ACAN: variants seen among roughly 807,000 people sequenced by gnomAD.
ACAN encodes aggrecan.
Under a neutral mutation model 169.1 loss-of-function variants are expected in ACAN, and 47 were observed. The observed-to-expected ratio is 0.28, with a 90% CI of 0.22 to 0.35. ACAN has a LOEUF of 0.35. Among genes scored for constraint, ACAN ranks in the 10% least tolerant of loss-of-function variants. The probability of loss-of-function intolerance (pLI) is 1.00; values close to 1 mark genes in which losing one functional copy is unlikely to be tolerated. For synonymous variants in ACAN, 1,115 were observed against 1,112.2 expected (o/e 1.00, Z -0.05); for missense variants, 2,716 against 2,759.9 (o/e 0.98, Z 0.36).
intron 1 of ACAN, among the ~76,000 whole-genome samples, chr15:88,816,217 C>T (rs1480932619): frequency 6.6e-6 from 1 of 152,200 alleles, no homozygotes; most frequent in African/African-American, 2.4e-5. Flanking sequence ...AATAACGTCA[C>T]ATTCACAGGC....
At chr15:88,842,949 C>T (rs1896702350) in intron 5 of ACAN, among the ~76,000 whole-genome samples, 1 of 152,192 alleles carries the variant, frequency 6.6e-6, no homozygotes, top group South Asian at 2.1e-4. Context: ...GGTCTGATGC[C>T]TGCTTTTCCC....
intron 1 of ACAN, among the ~76,000 whole-genome samples, chr15:88,828,074 A>G (rs567914019): frequency 5.9e-5 from 9 of 152,320 alleles, no homozygotes; most frequent in South Asian, 4.1e-4. Flanking sequence ...TAAGTTGGTC[A>G]TAACAACAAG....
chr15:88,867,768 G>A (rs1321123903), intron 13 of ACAN, among the ~76,000 whole-genome samples: 3 of 152,152 alleles, frequency 2.0e-5, no homozygotes, highest in Admixed American at 2.0e-4. Context: ...AGGAAGCCAG[G>A]AAAAGAAAGA....
chr15:88,848,144 G>A (rs1596139026), intron 9 of ACAN, 106 bp downstream of exon 9: 3 of 1,471,152 alleles, frequency 2.0e-6, no homozygotes, highest in Non-Finnish European at 2.7e-6. Flanking sequence ...ACCCACCCCT[G>A]ATTCCACCCA....
At chr15:88,862,817 G>A (rs1186818106) in intron 13 of ACAN, among the ~76,000 whole-genome samples, 1 of 152,082 alleles carries the variant, frequency 6.6e-6, no homozygotes, top group Non-Finnish European at 1.5e-5. Context: ...AATCAATATG[G>A]TGAAACCCCA....
intron 5 of ACAN, among the ~76,000 whole-genome samples, chr15:88,842,693 C>T (rs866002816): frequency 2.6e-5 from 4 of 152,310 alleles, no homozygotes; most frequent in South Asian, 2.1e-4. Flanking sequence ...TTTGTGTGTT[C>T]CCACATTTGG....
At chr15:88,824,815 G>A (rs150153099) in intron 1 of ACAN, among the ~76,000 whole-genome samples, 1 of 151,952 alleles carries the variant, frequency 6.6e-6, no homozygotes, top group African/African-American at 2.4e-5. Context: ...GGAGGTGGAG[G>A]TTGCAGTGAG....
chr15:88,860,375 G>A lies in ACAN; in HGVS notation c.6882G>A (p.Lys2294=), dbSNP rs1347121856. The A allele has an allele frequency of 1.2e-6, 2 of 1,613,610 alleles. No homozygotes were observed. Among genetic ancestry groups the A allele is most frequent in the Non-Finnish European group, 1.7e-6 (2 of 1,179,812 alleles). The change falls in exon 13 of 19, where the codon AAG becomes AAA. Residue 2294 remains lysine (K), a synonymous_variant. Transcript: ENST00000560601. The part of the protein sequence containing the change: ...AEEPCGAGTC[K]ETEGHVICLC... ...AGCCCTGTGGAGCTGGGACCTGCAA[G>A]GAGACAGAGGGACACGTCATATGCC...
Position 88,873,957 on chromosome 15 carries a change from C to T in ACAN, c.7563C>T (p.Arg2521=). The change falls in exon 18 of 19, where the codon CGC becomes CGT. Residue 2521 remains arginine (R), a synonymous_variant. Coordinates refer to ENST00000560601, the MANE Select transcript of ACAN (RefSeq NM_001369268.1). This position sits in a 1 kb window ranked among gnomAD's most constrained non-coding sequence, Gnocchi z 7.5. ...RYQCTEGFVQ[R]HMPTIRCQPS... ...AGTGCACAGAGGGGTTTGTCCAGCG[C>T]CACATGCCCACCATCCGGTGCCAGC... 6.2e-7 allele frequency: 1 copy of T among 1,613,472 alleles called. No individual in the cohort carries two copies. The highest frequency in any genetic ancestry group is 2.2e-5 in the East Asian group (1 of 44,862).
intron 11 of ACAN, among the ~76,000 whole-genome samples, chr15:88,852,322 A>T (rs773410040): frequency 1.3e-5 from 2 of 152,166 alleles, no homozygotes; most frequent in African/African-American, 2.4e-5. Flanking sequence ...GACTGTGCTG[A>T]TGAGAGGGCC....
chr15:88,865,317 G>A lies in ACAN; in HGVS notation c.6947-2899G>A, dbSNP rs114116283. On this transcript the variant is annotated intron_variant, in intron 13 of 18. Coordinates refer to ENST00000560601, the MANE Select transcript of ACAN (RefSeq NM_001369268.1). The stretch of plus-strand genomic sequence containing the variant: ...GACTCCAGTGTCTCTCTCCCTCCAC[G>A]TGGGGCAGAAGCCAACTTCCAGTCT... Among the ~76,000 whole-genome samples the A allele has an allele frequency of 2.7e-3, 410 of 152,200 alleles. 1 individual carries two copies. Among genetic ancestry groups the A allele is most frequent in the African/African-American group, 9.4e-3 (389 of 41,530 alleles).
At chr15:88,812,376 C>T (rs1895843090) in intron 1 of ACAN, among the ~76,000 whole-genome samples, 1 of 152,064 alleles carries the variant, frequency 6.6e-6, no homozygotes, top group Non-Finnish European at 1.5e-5. Context: ...AGGTTATTTG[C>T]ATATTTCCTC....
At chr15:88,808,498 T>C (rs146055378) in intron 1 of ACAN, among the ~76,000 whole-genome samples, 39 of 152,312 alleles carry the variant, frequency 2.6e-4, no homozygotes, top group African/African-American at 9.1e-4. Context: ...AGACGGACTG[T>C]AACCAACCTG....
chr15:88,863,113 C>T (rs1023677631), intron 13 of ACAN, among the ~76,000 whole-genome samples: 2 of 151,986 alleles, frequency 1.3e-5, no homozygotes, highest in Non-Finnish European at 2.9e-5. Flanking sequence ...GGAAAACTTC[C>T]ACCTGGTCAA....
chr15:88,829,920 C>G (rs1896317242), intron 1 of ACAN, among the ~76,000 whole-genome samples: 1 of 152,162 alleles, frequency 6.6e-6, no homozygotes, highest in Non-Finnish European at 1.5e-5. Flanking sequence ...CGTGATGAGA[C>G]AGAGTTAGCA....
intron 1 of ACAN, among the ~76,000 whole-genome samples, chr15:88,817,469 A>G (rs1895969551): frequency 6.6e-6 from 1 of 152,090 alleles, no homozygotes; most frequent in South Asian, 2.1e-4. Context: ...TAAAGGATAT[A>G]AAATTCACTT....
intron 1 of ACAN, among the ~76,000 whole-genome samples, chr15:88,812,544 G>A (rs1895846094): frequency 6.6e-6 from 1 of 152,090 alleles, no homozygotes; most frequent in East Asian, 1.9e-4. Flanking sequence ...CCTCCCTGCA[G>A]CCCCTGGCCT....
chr15:88,853,875 A>G (rs1896989653), intron 11 of ACAN, among the ~76,000 whole-genome samples: 1 of 144,698 alleles, frequency 6.9e-6, no homozygotes, highest in East Asian at 2.0e-4. Context: ...CACCACTGCT[A>G]TGCTTCATGC....
chr15:88,820,709 C>G (rs994758178), intron 1 of ACAN, among the ~76,000 whole-genome samples: 1 of 152,132 alleles, frequency 6.6e-6, no homozygotes, highest in Non-Finnish European at 1.5e-5. Flanking sequence ...TGCATCCTCT[C>G]AACTCCCAGA....
Sources: gnomAD v4.1 joint callset for allele counts (sites outside exome capture counted in the v4.1 genomes callset) on GRCh38, gnomAD v4.1.1 for gene constraint, Gnocchi (gnomAD v3.1) non-coding constraint, MANE v1.5 for transcripts, NCBI Gene and HGNC (gene_info 2026-07-23, HGNC 2026-07-21) for gene names.